The following CADM2 variants were observed in gnomAD, a reference collection of about 807,000 sequenced individuals.
CADM2 encodes immunoglobulin superfamily member 4D.
CADM2 carries 12 observed loss-of-function variants against 49.8 expected under a neutral mutation model. The observed-to-expected ratio is 0.24, with a 90% CI of 0.15 to 0.39. The LOEUF (loss-of-function observed/expected upper bound fraction) is 0.39. CADM2 is among the 10% of genes least tolerant of loss of function. The pLI is 1.00. For missense variants in CADM2, 378 were observed against 492.3 expected (o/e 0.77, Z 2.20); for synonymous variants, 214 against 175.4 (o/e 1.22, Z -1.74).
intron 1 of CADM2, among the ~76,000 whole-genome samples, chr3:85,199,333 T>TTG (rs35067183): frequency 0.14 from 19,356 of 134,116 alleles, 1,893 homozygotes; most frequent in East Asian, 0.28. Flanking sequence ...GTAACTCTCT[T>TTG]TGTGTGTGTG....
chr3:85,054,241 G>A (rs1190119858), intron 1 of CADM2, among the ~76,000 whole-genome samples: 1 of 151,820 alleles, frequency 6.6e-6, no homozygotes, highest in Non-Finnish European at 1.5e-5. Context: ...AGAGGAGATG[G>A]TATTTAAAAT....
chr3:85,725,652 T>C (rs1056626155), intron 1 of CADM2, among the ~76,000 whole-genome samples: 4 of 152,040 alleles, frequency 2.6e-5, no homozygotes, highest in African/African-American at 4.8e-5. Context: ...TCTAATTTTC[T>C]TGTTAACTTG....
intron 1 of CADM2, among the ~76,000 whole-genome samples, chr3:85,693,842 G>C (rs1425302992): frequency 6.8e-6 from 1 of 146,614 alleles, no homozygotes; most frequent in African/African-American, 2.5e-5. Context: ...GTTGCAGTGA[G>C]CCAAGATCGC....
chr3:85,092,537 A>G (rs1298422481), intron 1 of CADM2, among the ~76,000 whole-genome samples: 1 of 152,182 alleles, frequency 6.6e-6, no homozygotes, highest in East Asian at 1.9e-4. Context: ...TCTAATAAAT[A>G]TGGATGAATA....
chr3:85,060,886 CT>C (rs1260675700), intron 1 of CADM2, among the ~76,000 whole-genome samples: 2 of 152,018 alleles, frequency 1.3e-5, no homozygotes, highest in African/African-American at 4.8e-5. Context: ...CAAATCAGTA[CT>C]ATTACTTATA....
intron 8 of CADM2, among the ~76,000 whole-genome samples, chr3:86,042,716 C>G (rs1169033326): frequency 1.3e-5 from 2 of 152,262 alleles, no homozygotes; most frequent in Admixed American, 6.5e-5. Flanking sequence ...GGAATCCTCC[C>G]TAACTCATTT....
intron 1 of CADM2, among the ~76,000 whole-genome samples, chr3:85,324,614 C>T (rs190129182): frequency 2.4e-3 from 369 of 152,150 alleles, no homozygotes; most frequent in Middle Eastern, 6.8e-3. Flanking sequence ...TTTGTTCCTG[C>T]GTTATTTTAA....
chr3:85,849,619 A>T (rs780376132), intron 3 of CADM2, among the ~76,000 whole-genome samples: 1 of 152,200 alleles, frequency 6.6e-6, no homozygotes, highest in Non-Finnish European at 1.5e-5. Flanking sequence ...TTATCTGCCT[A>T]GCTTATCATG....
intron 8 of CADM2, among the ~76,000 whole-genome samples, chr3:86,060,129 T>A (rs1738443977): frequency 1.3e-5 from 2 of 152,050 alleles, no homozygotes; most frequent in Admixed American, 1.3e-4. Context: ...TTAATCTATC[T>A]CTGAATGTAT....
chr3:85,035,994 A>G (rs1181989525), intron 1 of CADM2, among the ~76,000 whole-genome samples: 1 of 152,206 alleles, frequency 6.6e-6, no homozygotes, highest in Non-Finnish European at 1.5e-5. Flanking sequence ...ATTCTCCTTC[A>G]TAGTTATTAT....
chr3:85,523,836 C>T (rs2061089012), intron 1 of CADM2, among the ~76,000 whole-genome samples: 1 of 151,986 alleles, frequency 6.6e-6, no homozygotes, highest in Non-Finnish European at 1.5e-5. Flanking sequence ...AAATTGAATG[C>T]ATGGATAAAA....
chr3:85,912,819 G>T (rs568132460), intron 6 of CADM2, among the ~76,000 whole-genome samples: 4 of 152,162 alleles, frequency 2.6e-5, no homozygotes, highest in African/African-American at 4.8e-5. Context: ...ACGTAAGGGT[G>T]GGGGAGAAAA....
intron 1 of CADM2, among the ~76,000 whole-genome samples, chr3:85,550,947 CATT>C (rs2061786886): frequency 6.6e-6 from 1 of 150,938 alleles, no homozygotes; most frequent in Non-Finnish European, 1.5e-5. Flanking sequence ...CCAGTTCAGT[CATT>C]GATTTTAATT....
chr3:85,848,231 A>G (rs1397149229), intron 3 of CADM2, among the ~76,000 whole-genome samples: 2 of 152,142 alleles, frequency 1.3e-5, no homozygotes, highest in Non-Finnish European at 2.9e-5. Context: ...TAAAAAATGT[A>G]TATTTTTAGT....
intron 1 of CADM2, among the ~76,000 whole-genome samples, chr3:85,578,274 A>G (rs1016026566): frequency 1.3e-5 from 2 of 152,184 alleles, no homozygotes; most frequent in African/African-American, 4.8e-5. Context: ...CAAAGCTAAA[A>G]TTACTGAAGA....
chr3:85,328,008 T>C (rs1166751240), intron 1 of CADM2, among the ~76,000 whole-genome samples: 1 of 152,190 alleles, frequency 6.6e-6, no homozygotes, highest in Non-Finnish European at 1.5e-5. Flanking sequence ...ACTGTGATTA[T>C]TGTTTTCAGT....
At chr3:85,278,941 C>A (rs1227880468) in intron 1 of CADM2, among the ~76,000 whole-genome samples, 1 of 151,294 alleles carries the variant, frequency 6.6e-6, no homozygotes, top group Non-Finnish European at 1.5e-5. Flanking sequence ...GTGATTTTGA[C>A]TTTTCCACAA....
At chr3:85,212,897 T>TCTCTCTCTCTCTCTCTCTC (rs2041834022) in intron 1 of CADM2, among the ~76,000 whole-genome samples, 22 of 145,102 alleles carry the variant, frequency 1.5e-4, no homozygotes, top group South Asian at 6.5e-4. Context: ...TCTTTCTTTC[T>TCTCTCTCTCTCTCTCTCTC]TTTAATGGAG....
chr3:85,753,084 T>C (rs2068939736), intron 2 of CADM2, among the ~76,000 whole-genome samples: 3 of 152,156 alleles, frequency 2.0e-5, no homozygotes, highest in African/African-American at 7.2e-5. Context: ...CGTTTTTCCT[T>C]TTAACATGAC....
Sources: gnomAD v4.1 joint callset for allele counts (sites outside exome capture counted in the v4.1 genomes callset) on GRCh38, gnomAD v4.1.1 for gene constraint, MANE v1.5 for transcripts, NCBI Gene and HGNC (gene_info 2026-07-23, HGNC 2026-07-21) for gene names.